Variants in RGS6 observed in about 807,000 individuals in gnomAD.
The protein encoded by RGS6 is regulator of G protein signaling 6.
RGS6 carries 30 observed loss-of-function variants against 78.5 expected under a neutral mutation model. The observed-to-expected ratio is 0.38, with a 90% CI of 0.29 to 0.52. RGS6 has a LOEUF of 0.52. Ranked by LOEUF, RGS6 falls within the 20% of genes least tolerant of loss-of-function variation. RGS6 has a pLI of 0.85. For synonymous variants in RGS6, 206 were observed against 206.0 expected (o/e 1.00, Z 0.00); for missense variants, 495 against 609.7 (o/e 0.81, Z 1.98).
intron 2 of RGS6, among the ~76,000 whole-genome samples, chr14:72,293,972 A>G (rs555378552): frequency 2.0e-5 from 3 of 152,316 alleles, no homozygotes; most frequent in Admixed American, 1.3e-4. Flanking sequence ...GGGCTAAGCT[A>G]TTGCAGGGGT....
At chr14:72,000,910 A>C (rs2083299141) in intron 2 of RGS6, among the ~76,000 whole-genome samples, 1 of 152,172 alleles carries the variant, frequency 6.6e-6, no homozygotes, top group African/African-American at 2.4e-5. Flanking sequence ...GCTTGTTTTA[A>C]AGTGGATTAA....
chr14:72,371,481 G>C (rs1249592281), intron 3 of RGS6, among the ~76,000 whole-genome samples: 1 of 152,136 alleles, frequency 6.6e-6, no homozygotes, highest in African/African-American at 2.4e-5. Flanking sequence ...AAAATTCTGG[G>C]CCGGGCATGG....
intron 2 of RGS6, among the ~76,000 whole-genome samples, chr14:72,233,448 A>C (rs1453601443): frequency 6.6e-6 from 1 of 152,198 alleles, no homozygotes; most frequent in African/African-American, 2.4e-5. Context: ...ATGGAATGCA[A>C]ACCTCGTGGG....
At chr14:72,108,356 T>A (rs1041887485) in intron 2 of RGS6, among the ~76,000 whole-genome samples, 5 of 152,094 alleles carry the variant, frequency 3.3e-5, no homozygotes, top group Non-Finnish European at 5.9e-5. Context: ...CATAGAGATT[T>A]TTTTTCTTTA....
At chr14:72,497,213 A>G (rs941396732) in intron 13 of RGS6, among the ~76,000 whole-genome samples, 1 of 152,200 alleles carries the variant, frequency 6.6e-6, no homozygotes, top group Non-Finnish European at 1.5e-5. Flanking sequence ...TTAGCTTAAA[A>G]GTGCCCATTT....
chr14:72,264,828 C>T (rs1422231346), intron 2 of RGS6, among the ~76,000 whole-genome samples: 1 of 152,132 alleles, frequency 6.6e-6, no homozygotes, highest in Non-Finnish European at 1.5e-5. Flanking sequence ...TCACCATTTC[C>T]CATCACGATA....
rs752669264 is a variant in RGS6 at position 72,454,613 on chromosome 14, G to C, written c.235+35G>C. The C allele has an allele frequency of 1.9e-6, 3 of 1,591,862 alleles. No individual in the cohort carries two copies. In the African/African-American group the frequency reaches 4.0e-5, roughly 21 times the overall value. On this transcript the variant is annotated intron_variant, in intron 4 of 17. Transcript: ENST00000553525. ...CTTTGACCCCACCCTTATCTCCCCT[G>C]GTATCAGTAAACATCCCATAACCAA...
At chr14:72,145,253 G>A (rs1025760641) in intron 2 of RGS6, among the ~76,000 whole-genome samples, 1 of 152,126 alleles carries the variant, frequency 6.6e-6, no homozygotes, top group African/African-American at 2.4e-5. Flanking sequence ...TAATCTTGTA[G>A]CTAATTTGTT....
chr14:71,924,817 A>G, the RGS6 span, among the ~76,000 whole-genome samples: 53 of 152,290 alleles, frequency 3.5e-4, no homozygotes, highest in African/African-American at 1.2e-3. Context: ...TTATCCATTC[A>G]TCCACTGATG....
intron 2 of RGS6, among the ~76,000 whole-genome samples, chr14:72,030,279 A>G (rs2090629126): frequency 6.6e-6 from 1 of 152,246 alleles, no homozygotes; most frequent in African/African-American, 2.4e-5. Flanking sequence ...CAAATATTTC[A>G]GCAATTACAT....
At chr14:72,328,026 G>C (rs1471767661) in intron 2 of RGS6, among the ~76,000 whole-genome samples, 1 of 152,140 alleles carries the variant, frequency 6.6e-6, no homozygotes, top group Admixed American at 6.5e-5. Context: ...AAAGCCAGTG[G>C]TAAAATTCAG....
At chr14:71,992,860 C>T (rs2095024837) in intron 2 of RGS6, among the ~76,000 whole-genome samples, 1 of 151,960 alleles carries the variant, frequency 6.6e-6, no homozygotes, top group Non-Finnish European at 1.5e-5. Flanking sequence ...GTAAAACAAG[C>T]TTCATCTTTT....
chr14:72,494,975 A>G (rs2096625814), intron 12 of RGS6, among the ~76,000 whole-genome samples, 177 bp from the exon 13 acceptor site: 1 of 152,254 alleles, frequency 6.6e-6, no homozygotes, highest in Non-Finnish European at 1.5e-5. Context: ...TATGTTCGTT[A>G]TAAGAAGGAA....
intron 2 of RGS6, among the ~76,000 whole-genome samples, chr14:72,217,588 A>G (rs534543032): frequency 1.3e-5 from 2 of 152,180 alleles, no homozygotes. Flanking sequence ...GCTCATTGTA[A>G]CCAGGAATGC....
At chr14:72,540,807 A>C in intron 17 of RGS6, 2 of 985,418 alleles carry the variant, frequency 2.0e-6, no homozygotes, top group Non-Finnish European at 1.2e-6. Flanking sequence ...CAGGCTGGGT[A>C]AAGATGGGCT....
chr14:72,237,939 G>A (rs975714496), intron 2 of RGS6, among the ~76,000 whole-genome samples: 11 of 141,480 alleles, frequency 7.8e-5, no homozygotes, highest in Non-Finnish European at 1.1e-4. Flanking sequence ...AGGGTGACAG[G>A]CCTTTACACC....
At position 72,539,978 on chromosome 14, in the gene RGS6, G is replaced by A. The variant is rs148085139; in HGVS notation, c.1369-63G>A. The A allele has an allele frequency of 7.3e-5, 104 of 1,416,674 alleles. 1 individual carries two copies. The African/African-American group carries it at 9.7e-4, about 13-fold the overall frequency. 87.8% of individuals were successfully genotyped at this position (1,416,674 alleles called of 1,614,324 possible). A position where few individuals can be genotyped will look rare whatever the true frequency, so the allele number is the denominator to read the frequency against. On this transcript the variant is annotated intron_variant, in intron 16 of 17. Coordinates refer to ENST00000553525, the MANE Select transcript of RGS6 (RefSeq NM_001204424.2). ...GCAGCTGCTGCTGTTTGGGAACCAC[G>A]TATAAGCTGAAGATTTTTTTTTTCT...
intron 2 of RGS6, among the ~76,000 whole-genome samples, chr14:71,995,901 T>C (rs1022254194): frequency 7.2e-5 from 11 of 152,142 alleles, no homozygotes; most frequent in Non-Finnish European, 2.9e-5. Flanking sequence ...TCCCGGGATC[T>C]CACTTGGTGG....
chr14:72,012,001 ATAAT>A (rs940147495), intron 2 of RGS6, among the ~76,000 whole-genome samples: 7 of 152,226 alleles, frequency 4.6e-5, no homozygotes, highest in Non-Finnish European at 7.3e-5. Context: ...TAATTTTGAA[ATAAT>A]TAAATATTCA....
Sources: gnomAD v4.1 joint callset for allele counts (sites outside exome capture counted in the v4.1 genomes callset) on GRCh38, gnomAD v4.1.1 for gene constraint, MANE v1.5 for transcripts, NCBI Gene and HGNC (gene_info 2026-07-23, HGNC 2026-07-21) for gene names.